Variants in ARFGEF1 observed in about 807,000 individuals in gnomAD.
The protein encoded by ARFGEF1 is brefeldin A-inhibited guanine nucleotide-exchange protein 1.
ARFGEF1 carries 42 observed loss-of-function variants against 231.0 expected under a neutral mutation model. The ratio of observed to expected loss-of-function variants is 0.18; its 90% CI spans 0.14 to 0.24. The LOEUF is 0.24. Ranked by LOEUF, ARFGEF1 falls within the 10% of genes least tolerant of loss-of-function variation. The probability of loss-of-function intolerance (pLI) is 1.00; values close to 1 mark genes in which losing one functional copy is unlikely to be tolerated. For missense variants in ARFGEF1, 1,345 were observed against 2,192.0 expected, an observed-to-expected ratio of 0.61 and a Z score of 7.72; for synonymous variants, 710 against 732.3, an observed-to-expected ratio of 0.97 and a Z score of 0.49.
chr8:67,305,243 A>G (rs371316499), intron 1 of ARFGEF1, among the ~76,000 whole-genome samples: 10 of 152,212 alleles, frequency 6.6e-5, no homozygotes, highest in South Asian at 2.1e-4. Flanking sequence ...GAAGCCTACC[A>G]TAAGTTTTTG....
Position 67,299,231 on chromosome 8 carries a change from C to G in ARFGEF1, c.437G>C (p.Gly146Ala). 6.4e-7 allele frequency: 1 copy of G among 1,565,154 alleles called. No homozygotes were observed. Among genetic ancestry groups the G allele is most frequent in the Non-Finnish European group, 8.7e-7 (1 of 1,155,798 alleles). ...TACCTTTATTATCTGCAGCTGAACT[C>G]CTTCATCTGTCTGAGGGCCCTGAAA... is the stretch of plus-strand genomic sequence containing the variant. ...GCFQGPQTDE[G>A]VQLQIIKALL... The change falls in exon 4 of 39, where the codon GGA becomes GCA. Residue 146 changes from glycine to alanine, a missense_variant. This residue lies in a region of ARFGEF1 where 398 missense variants were observed against 463.2 expected (regional missense o/e 0.86). Transcript: ENST00000262215.
At chr8:67,240,016 TA>T (rs1280530781) in intron 20 of ARFGEF1, 145 bp downstream of exon 20, 2 of 1,122,032 alleles carry the variant, frequency 1.8e-6, no homozygotes, top group Admixed American at 6.0e-5. Context: ...CTCAGAAGCT[TA>T]AACATTAAGA....
chr8:67,229,293 T>C (rs1839479308), intron 23 of ARFGEF1, among the ~76,000 whole-genome samples: 1 of 152,070 alleles, frequency 6.6e-6, no homozygotes. Context: ...TCTATCCTAT[T>C]AACCACTTTT....
At chr8:67,249,946 A>G (rs1342977981) in intron 19 of ARFGEF1, among the ~76,000 whole-genome samples, 1 of 152,218 alleles carries the variant, frequency 6.6e-6, no homozygotes, top group African/African-American at 2.4e-5. Context: ...TAAACTGGAA[A>G]CTACTCAGGC....
At chr8:67,195,444 A>G (rs776007873), downstream of ARFGEF1, 29 of 1,614,094 alleles carry the variant, frequency 1.8e-5, no homozygotes, top group Middle Eastern at 1.6e-4. Flanking sequence ...TGACGGATCA[A>G]ACTCTGTAGC....
At position 67,309,169 on chromosome 8, in the gene ARFGEF1, A is replaced by G. The variant is rs551963698; in HGVS notation, c.125-6703T>C. Among the ~76,000 whole-genome samples the G allele has an allele frequency of 3.9e-5, 6 of 152,372 alleles. No individual in the cohort carries two copies. The East Asian group carries it at 9.6e-4, about 24-fold the overall frequency. Reference sequence around the variant, plus strand: ...ACGCTAAGTGAAAAAAGTCAGGCACAGAAAGACACATGATTTTACTTGTAT... The same window carrying G: ...ACGCTAAGTGAAAAAAGTCAGGCACGGAAAGACACATGATTTTACTTGTAT... On this transcript the variant is annotated intron_variant, in intron 1 of 38. Transcript: ENST00000262215.
intron 1 of ARFGEF1, among the ~76,000 whole-genome samples, chr8:67,308,540 AT>A (rs2128919997): frequency 6.6e-6 from 1 of 152,266 alleles, no homozygotes; most frequent in African/African-American, 2.4e-5. Flanking sequence ...ATGCCTGGCA[AT>A]CCCTGACTCC....
In ARFGEF1 at chr8:67,270,145, G is replaced by A. The variant is rs1805017041; in HGVS notation, c.1572+1557C>T. On this transcript the variant is annotated intron_variant, in intron 10 of 38. Coordinates refer to ENST00000262215, the MANE Select transcript of ARFGEF1 (RefSeq NM_006421.5). Reference sequence around the variant, plus strand: ...TTATTTATAGTTCCTACAGATAATGGGGAAAAACTATCTAAAAACGGCAAC... The same window carrying A: ...TTATTTATAGTTCCTACAGATAATGAGGAAAAACTATCTAAAAACGGCAAC... Among the ~76,000 whole-genome samples the A allele has an allele frequency of 1.3e-5, 2 of 152,038 alleles. 1 individual carries two copies. Among genetic ancestry groups the A allele is most frequent in the South Asian group, 4.1e-4 (2 of 4,820 alleles).
At chr8:67,205,468 ATTT>A (rs1427024865) in intron 34 of ARFGEF1, among the ~76,000 whole-genome samples, 1 of 152,206 alleles carries the variant, frequency 6.6e-6, no homozygotes, top group Non-Finnish European at 1.5e-5. Context: ...CCCGCTACAA[ATTT>A]TTTAATTCAA....
intron 1 of ARFGEF1, among the ~76,000 whole-genome samples, chr8:67,311,293 G>A (rs1193986117): frequency 7.6e-6 from 1 of 132,372 alleles, no homozygotes; most frequent in Admixed American, 7.2e-5. Flanking sequence ...AGGTGGGGGG[G>A]GTCAGCCCCC....
At chr8:67,190,377 CAG>C (rs1355379563) in intron 5 of ARFGEF1, among the ~76,000 whole-genome samples, 1 of 152,116 alleles carries the variant, frequency 6.6e-6, no homozygotes, top group Non-Finnish European at 1.5e-5. Context: ...TCTGTTGAAA[CAG>C]AGCCGTGTTT....
At chr8:67,199,191 G>C in intron 38 of ARFGEF1, 93 bp from the exon 39 acceptor site, 16 of 1,476,026 alleles carry the variant, frequency 1.1e-5, no homozygotes, top group Non-Finnish European at 1.5e-5. Context: ...CTCCATCACA[G>C]GAGCCAGGAA....
intron 19 of ARFGEF1, among the ~76,000 whole-genome samples, chr8:67,248,166 G>C (rs544147484): frequency 1.9e-4 from 28 of 149,592 alleles, no homozygotes; most frequent in Admixed American, 1.3e-3. Flanking sequence ...AATCAAAAAA[G>C]ACCCAGAATA....
intron 17 of ARFGEF1, among the ~76,000 whole-genome samples, chr8:67,257,361 G>A (rs192681621): frequency 1.3e-5 from 2 of 152,238 alleles, no homozygotes; most frequent in East Asian, 3.9e-4. Context: ...GATTACAGGC[G>A]TTAGGTACCA....
At chr8:67,326,092 A>G (rs1807818697) in intron 1 of ARFGEF1, among the ~76,000 whole-genome samples, 1 of 152,182 alleles carries the variant, frequency 6.6e-6, no homozygotes, top group African/African-American at 2.4e-5. Flanking sequence ...CCAGCTACTT[A>G]GGAGGCTGAG....
chr8:67,303,869 A>AT, intron 1 of ARFGEF1, among the ~76,000 whole-genome samples: 1 of 152,296 alleles, frequency 6.6e-6, no homozygotes, highest in African/African-American at 2.4e-5. Context: ...TACACTTTAC[A>AT]TGCAACTAAT....
intron 1 of ARFGEF1, among the ~76,000 whole-genome samples, chr8:67,339,659 C>T (rs1808510460): frequency 6.6e-6 from 1 of 151,336 alleles, no homozygotes; most frequent in South Asian, 2.1e-4. Context: ...AGGAATGGAT[C>T]AGGCTAAGCT....
intron 1 of ARFGEF1, among the ~76,000 whole-genome samples, chr8:67,335,337 C>A (rs1050984761): frequency 6.6e-6 from 1 of 152,018 alleles, no homozygotes; most frequent in South Asian, 2.1e-4. Flanking sequence ...GATCTCCTCA[C>A]CTCATGATCT....
At chr8:67,183,611 A>G (rs1019887651) in intron 5 of ARFGEF1, among the ~76,000 whole-genome samples, 5 of 152,210 alleles carry the variant, frequency 3.3e-5, no homozygotes, top group African/African-American at 1.2e-4. Context: ...AATGAAAATG[A>G]AAATACAACT....
Sources: gnomAD v4.1 joint callset for allele counts (sites outside exome capture counted in the v4.1 genomes callset) on GRCh38, gnomAD v4.1.1 for gene constraint, gnomAD v4.1.1 regional missense constraint, MANE v1.5 for transcripts, NCBI Gene and HGNC (gene_info 2026-07-23, HGNC 2026-07-21) for gene names.